Variants in OCA2 observed in about 807,000 individuals in gnomAD.
OCA2 encodes OCA2 melanosomal transmembrane protein, also known as P protein.
A neutral mutation model predicts 100.2 loss-of-function variants in OCA2; 77 were observed. The ratio of observed to expected loss-of-function variants is 0.77; its 90% CI spans 0.64 to 0.93. The LOEUF (loss-of-function observed/expected upper bound fraction) is 0.93, where lower values mean the gene tolerates loss of function less well. Ranked by LOEUF, OCA2 falls within the 40% of genes least tolerant of loss-of-function variation. The pLI is 0.00. For synonymous variants in OCA2, 432 were observed against 439.2 expected, an observed-to-expected ratio of 0.98 and a Z score of 0.21; for missense variants, 1,062 against 1,089.1, an observed-to-expected ratio of 0.98 and a Z score of 0.35.
chr15:27,885,751 A>G (rs2037195875), intron 19 of OCA2, among the ~76,000 whole-genome samples: 2 of 120,764 alleles, frequency 1.7e-5, no homozygotes, highest in Non-Finnish European at 1.6e-5. Context: ...TCACTCCTTT[A>G]TTTGTTTGAT....
chr15:28,061,087 A>G (rs75410529), intron 2 of OCA2, among the ~76,000 whole-genome samples: 2,053 of 152,352 alleles, frequency 0.013, 39 homozygotes, highest in African/African-American at 0.047. Context: ...TAAAGCTTCA[A>G]CACATTCCTA....
At chr15:28,095,693 GACA>G (rs1010583813) in intron 1 of OCA2, among the ~76,000 whole-genome samples, 7 of 146,988 alleles carry the variant, frequency 4.8e-5, no homozygotes, top group African/African-American at 1.5e-4. Context: ...CTCCAGCCTG[GACA>G]ACAAGAACGA....
intron 2 of OCA2, among the ~76,000 whole-genome samples, chr15:28,054,372 C>A (rs920532151): frequency 6.6e-6 from 1 of 152,178 alleles, no homozygotes; most frequent in Non-Finnish European, 1.5e-5. Context: ...CATGTGCGTG[C>A]TGGTCCTCTG....
At chr15:27,746,934 G>T in the OCA2 span, among the ~76,000 whole-genome samples, 2 of 152,178 alleles carry the variant, frequency 1.3e-5, no homozygotes, top group Non-Finnish European at 2.9e-5. Flanking sequence ...AGACCTCCTG[G>T]CTGTAACAAG....
intron 2 of OCA2, among the ~76,000 whole-genome samples, chr15:28,059,790 G>A (rs2043816269): frequency 6.6e-6 from 1 of 152,200 alleles, no homozygotes; most frequent in African/African-American, 2.4e-5. Flanking sequence ...CACTTCGTGT[G>A]TAATTCATTC....
chr15:27,762,009 A>G (rs2030880637), intron 23 of OCA2, among the ~76,000 whole-genome samples: 1 of 152,200 alleles, frequency 6.6e-6, no homozygotes, highest in African/African-American at 2.4e-5. Context: ...TTTGACAAAG[A>G]TGCAAAAGTG....
Position 28,058,257 on chromosome 15 carries a change from C to T in OCA2, c.227+23391G>A, listed in dbSNP as rs533093573. On this transcript the variant is annotated intron_variant, in intron 2 of 23. Coordinates refer to ENST00000354638, the MANE Select transcript of OCA2 (RefSeq NM_000275.3). Reference sequence around the variant, plus strand: ...AGGGGTGGCTCTGGGTGCTGGTCCACTGCCCACAGGGAAGGACGAAGGCCA... The same window carrying T: ...AGGGGTGGCTCTGGGTGCTGGTCCATTGCCCACAGGGAAGGACGAAGGCCA... 2.3e-4 allele frequency among the ~76,000 whole-genome samples: 35 copies of T among 152,380 alleles called. 1 individual carries two copies. In the South Asian group the frequency reaches 7.2e-3, roughly 32 times the overall value.
At chr15:27,897,706 G>T (rs888654894) in intron 19 of OCA2, among the ~76,000 whole-genome samples, 2 of 152,182 alleles carry the variant, frequency 1.3e-5, no homozygotes, top group Admixed American at 1.3e-4. Flanking sequence ...AGTCCCTACT[G>T]GGGCACCACC....
At chr15:28,079,014 C>T (rs533559242) in intron 2 of OCA2, among the ~76,000 whole-genome samples, 1 of 152,210 alleles carries the variant, frequency 6.6e-6, no homozygotes, top group South Asian at 2.1e-4. Context: ...GCCTGCTTCT[C>T]TCCTGCAGAA....
Position 27,983,478 on chromosome 15 carries a change from C to A in OCA2, c.1370G>T (p.Cys457Phe), listed in dbSNP as rs886051023. 4 of 1,614,226 alleles carry A rather than the reference C, an allele frequency of 2.5e-6. No homozygotes were observed. The highest frequency in any genetic ancestry group is 3.4e-6 in the Non-Finnish European group (4 of 1,180,042). ...LLFTPVTIRL[C>F]EVLNLDPRQV... is the part of the protein sequence containing the mutation. Reference sequence around the variant, plus strand: ...TCTTGGATCAAGGTTGAGCACCTCACACAACCTGTCACAAATGGAGGAAAA... The same window carrying A: ...TCTTGGATCAAGGTTGAGCACCTCAAACAACCTGTCACAAATGGAGGAAAA... Residue 457 changes from cysteine to phenylalanine, a missense_variant, in exon 14 of 24, where the codon TGT becomes TTT. Transcript: ENST00000354638.
intron 19 of OCA2, chr15:27,896,005 T>C (rs537826654): frequency 4.9e-5 from 47 of 949,502 alleles, no homozygotes; most frequent in Non-Finnish European, 7.9e-5. Flanking sequence ...TGTATTGTAC[T>C]GGCCTGCAGG....
rs1327704792 is a variant in OCA2, at chr15:27,755,306, A to G, written c.*82T>C. 9.9e-7 allele frequency: 1 copy of G among 1,007,298 alleles called. No homozygotes were observed. The highest frequency in any genetic ancestry group is 1.6e-6 in the Non-Finnish European group (1 of 632,882). The allele number at this position is 1,007,298 out of a possible 1,614,324, so 62.4% of individuals were successfully genotyped here. On this transcript the variant is annotated 3_prime_UTR_variant, in exon 24 of 24. Transcript: ENST00000354638. ...GGTAAGCACCTTTTCTTCTTCAAAC[A>G]GTGGGGTCAGGGTAGTTTTATGACT...
Position 27,926,203 on chromosome 15 carries a change from T to C in OCA2, c.2003A>G (p.His668Arg). Reference protein sequence around the residue: ...AIWLLILADIHDFEIILHRVE... With the variant: ...AIWLLILADIRDFEIILHRVE... ...TCTGTGTAGAATTATCTCAAAATCATGAATATCAGCTAAAATTAGCAACCA... is the reference window on the plus strand; with the variant it reads ...TCTGTGTAGAATTATCTCAAAATCACGAATATCAGCTAAAATTAGCAACCA... Residue 668 changes from histidine to arginine, a missense_variant, in exon 19 of 24, where the codon CAT (histidine) becomes CGT (arginine). By Grantham distance (29) the His-to-Arg change is conservative. Transcript: ENST00000354638. 1 of 1,614,106 alleles carries C rather than the reference T, an allele frequency of 6.2e-7. No individual in the cohort carries two copies. The highest frequency in any genetic ancestry group is 8.5e-7 in the Non-Finnish European group (1 of 1,179,982).
At chr15:28,032,220 C>T (rs1217950732) in intron 2 of OCA2, 57 bp from the exon 3 acceptor site, 12 of 1,269,118 alleles carry the variant, frequency 9.5e-6, no homozygotes, top group Non-Finnish European at 1.4e-5. Context: ...GTATGTGTTC[C>T]CAGCACTCAG....
At chr15:27,793,621 C>T (rs1260137091) in intron 23 of OCA2, among the ~76,000 whole-genome samples, 1 of 152,224 alleles carries the variant, frequency 6.6e-6, no homozygotes, top group African/African-American at 2.4e-5. Context: ...CCGTAGCCTT[C>T]AGCCCTCCAT....
At chr15:27,823,022 A>G (rs141076227) in intron 23 of OCA2, among the ~76,000 whole-genome samples, 38 of 152,360 alleles carry the variant, frequency 2.5e-4, no homozygotes, top group African/African-American at 8.7e-4. Flanking sequence ...TATAGAAATG[A>G]TCTGTGTGTA....
At chr15:28,069,548 G>A (rs1219314248) in intron 2 of OCA2, among the ~76,000 whole-genome samples, 11 of 139,490 alleles carry the variant, frequency 7.9e-5, no homozygotes, top group African/African-American at 1.4e-4. Context: ...GAATGCCTGC[G>A]ATTGCAGGCA....
At chr15:27,772,291 T>G (rs2031926211) in intron 23 of OCA2, among the ~76,000 whole-genome samples, 1 of 152,242 alleles carries the variant, frequency 6.6e-6, no homozygotes, top group Non-Finnish European at 1.5e-5. Flanking sequence ...TATGCATTAT[T>G]GTTTTTGCCA....
chr15:27,809,815 G>A (rs1202855373), intron 23 of OCA2, among the ~76,000 whole-genome samples: 2 of 152,096 alleles, frequency 1.3e-5, no homozygotes, highest in Non-Finnish European at 2.9e-5. Context: ...TAACCAAGGA[G>A]GTCGAAGACC....
Sources: allele counts gnomAD v4.1 joint callset (sites outside exome capture counted in the v4.1 genomes callset), GRCh38; gene constraint gnomAD v4.1.1; transcripts MANE v1.5; gene names NCBI Gene and HGNC (gene_info 2026-07-23, HGNC 2026-07-21).